PLEKHA1: variants seen among roughly 807,000 people sequenced by gnomAD.
PLEKHA1 encodes pleckstrin homology domain-containing family A member 1.
PLEKHA1 carries 34 observed loss-of-function variants against 52.0 expected under a neutral mutation model. The observed-to-expected ratio is 0.65, with a 90% CI of 0.50 to 0.87. The LOEUF is 0.87. Among genes scored for constraint, PLEKHA1 ranks in the 40% least tolerant of loss-of-function variants. The pLI is 0.00. For synonymous variants in PLEKHA1, 163 were observed against 170.7 expected (o/e 0.95, Z 0.35); for missense variants, 497 against 504.2 (o/e 0.99, Z 0.14).
At chr10:122,426,710 GC>G (rs1590946443) in intron 10 of PLEKHA1, among the ~76,000 whole-genome samples, 1 of 152,148 alleles carries the variant, frequency 6.6e-6, no homozygotes, top group East Asian at 1.9e-4. Flanking sequence ...CATTATTGAC[GC>G]CTGTTGATGG....
intron 9 of PLEKHA1, 106 bp downstream of exon 9, chr10:122,424,369 G>C: frequency 7.8e-7 from 1 of 1,284,496 alleles, no homozygotes; most frequent in Non-Finnish European, 1.0e-6. Context: ...ATTAATTGTA[G>C]TTATTTTTAA....
chr10:122,380,331 T>G (rs1051205527), intron 1 of PLEKHA1, among the ~76,000 whole-genome samples: 1 of 152,170 alleles, frequency 6.6e-6, no homozygotes, highest in African/African-American at 2.4e-5. Context: ...GGAGCCTACA[T>G]TACAGTGTGG....
intron 2 of PLEKHA1, among the ~76,000 whole-genome samples, chr10:122,394,307 G>A (rs1189349908): frequency 6.6e-6 from 1 of 151,818 alleles, no homozygotes; most frequent in East Asian, 1.9e-4. Flanking sequence ...AACTCCTGAT[G>A]TCAGGTGATC....
rs1006855920 is a variant in PLEKHA1 at position 122,415,508 on chromosome 10, T to TA, written c.469-350dup. On this transcript the variant is annotated intron_variant, in intron 6 of 11. Coordinates refer to ENST00000368990, the MANE Select transcript of PLEKHA1 (RefSeq NM_001001974.4). Reference sequence around the variant, plus strand: ...TCCATTTCTTGTTTTTTGATAATGTTACGCCGTTTCCCTTTGAGGGGAAAC... The same window carrying TA: ...TCCATTTCTTGTTTTTTGATAATGTTAACGCCGTTTCCCTTTGAGGGGAAAC... Among the ~76,000 whole-genome samples the TA allele has an allele frequency of 2.0e-5, 3 of 152,250 alleles. 1 individual carries two copies. The highest frequency in any genetic ancestry group is 4.8e-5 in the African/African-American group (2 of 41,468).
intron 1 of PLEKHA1, among the ~76,000 whole-genome samples, chr10:122,383,734 T>C (rs1398991669): frequency 6.6e-6 from 1 of 152,218 alleles, no homozygotes; most frequent in Non-Finnish European, 1.5e-5. Flanking sequence ...TCTGTTTTCT[T>C]AATATCATCA....
intron 4 of PLEKHA1, among the ~76,000 whole-genome samples, chr10:122,403,570 A>G (rs2096961027): frequency 6.6e-6 from 1 of 151,114 alleles, no homozygotes; most frequent in African/African-American, 2.4e-5. Flanking sequence ...CCCTTGCTTT[A>G]GGGTTTTTAT....
chr10:122,393,211 T>C lies in PLEKHA1; in HGVS notation c.11T>C (p.Val4Ala). ...TGTTCAAGCTCAGAAATGCCTTATG[T>C]GGATCGTCAGAATCGCATTTGTGGT... MPY[V>A]DRQNRICGFL... is the part of the protein sequence containing the mutation. The change falls in exon 2 of 12, where the codon GTG becomes GCG. Residue 4 changes from valine (V) to alanine (A), a missense_variant. Transcript: ENST00000368990. The surrounding 1 kb of genome is among the most constrained non-coding windows in gnomAD (Gnocchi z 4.5). 1.9e-6 allele frequency: 3 copies of C among 1,611,500 alleles called. No individual in the cohort carries two copies. In the Middle Eastern group the frequency reaches 5.0e-4, roughly 266 times the overall value.
chr10:122,402,499 A>G (rs1330520325), intron 4 of PLEKHA1, among the ~76,000 whole-genome samples: 1 of 152,230 alleles, frequency 6.6e-6, no homozygotes, highest in Non-Finnish European at 1.5e-5. Flanking sequence ...TGGAAAGTAG[A>G]TAGAGGAATG....
intron 2 of PLEKHA1, among the ~76,000 whole-genome samples, chr10:122,394,505 G>A (rs184934784): frequency 6.6e-6 from 1 of 152,210 alleles, no homozygotes; most frequent in Non-Finnish European, 1.5e-5. Context: ...TTGTCCAGTA[G>A]GCTTCTCGTG....
chr10:122,414,873 AGTTTAGT>A (rs952231915), intron 6 of PLEKHA1, among the ~76,000 whole-genome samples: 1 of 150,054 alleles, frequency 6.7e-6, no homozygotes, highest in African/African-American at 2.4e-5. Context: ...TCTGAAAAAC[AGTTTAGT>A]GTTTATGTTT....
intron 1 of PLEKHA1, chr10:122,392,972 A>C: frequency 2.6e-6 from 1 of 389,744 alleles, no homozygotes; most frequent in East Asian, 4.0e-5. Flanking sequence ...TCCCCATCAC[A>C]GTGAATAAAT....
intron 5 of PLEKHA1, among the ~76,000 whole-genome samples, chr10:122,410,209 C>G (rs1010897937): frequency 6.6e-6 from 1 of 152,272 alleles, no homozygotes; most frequent in East Asian, 1.9e-4. Flanking sequence ...TTTTTATTCT[C>G]TAGTTATTTT....
intron 1 of PLEKHA1, among the ~76,000 whole-genome samples, chr10:122,383,970 A>G (rs936368270): frequency 1.3e-5 from 2 of 152,136 alleles, no homozygotes; most frequent in South Asian, 2.1e-4. Flanking sequence ...TTCTTACTGT[A>G]TAGATTTTGA....
chr10:122,399,184 T>C (rs1387584882), intron 3 of PLEKHA1, among the ~76,000 whole-genome samples: 2 of 152,162 alleles, frequency 1.3e-5, no homozygotes, highest in African/African-American at 4.8e-5. Context: ...GTTCCAAAAA[T>C]TTATTTCTGG....
chr10:122,416,062 A>C, intron 7 of PLEKHA1, 60 bp downstream of exon 7: 1 of 1,493,502 alleles, frequency 6.7e-7, no homozygotes, highest in African/African-American at 1.4e-5. Flanking sequence ...AGCAAACTCA[A>C]ATTAACATGG....
At chr10:122,406,739 C>T (rs1448266728) in intron 5 of PLEKHA1, 66 bp downstream of exon 5, 7 of 1,198,000 alleles carry the variant, frequency 5.8e-6, no homozygotes, top group Non-Finnish European at 8.6e-6. Flanking sequence ...TTTGAAAATA[C>T]ACCTACCAAA....
intron 2 of PLEKHA1, among the ~76,000 whole-genome samples, chr10:122,397,382 A>G (rs190158465): frequency 9.1e-4 from 138 of 152,210 alleles, no homozygotes; most frequent in Non-Finnish European, 2.6e-4. Context: ...CATTCCCTGC[A>G]TATGATAAAG....
chr10:122,427,029 T>C lies in PLEKHA1; in HGVS notation c.898T>C (p.Ser300Pro). 6.2e-7 allele frequency: 1 copy of C among 1,612,756 alleles called. No individual in the cohort carries two copies. Among genetic ancestry groups the C allele is most frequent in the Non-Finnish European group, 8.5e-7 (1 of 1,178,784 alleles). The change falls in exon 11 of 12, where the codon TCT (serine) becomes CCT (proline). Residue 300 changes from serine (S) to proline (P), a missense_variant and splice_region_variant. Coordinates refer to ENST00000368990, the MANE Select transcript of PLEKHA1 (RefSeq NM_001001974.4). ...GCGGGGTCCCGGCAGATCTGCGTCT[T>C]CTGTAGGTTTCCTGCTCTCTGGGGT... The part of the protein sequence containing the change: ...AQRGPGRSAS[S>P]EHPPGPSESK...
chr10:122,428,400 A>G (rs2097371090), intron 11 of PLEKHA1: 1 of 1,500,478 alleles, frequency 6.7e-7, no homozygotes, highest in East Asian at 2.5e-5. Flanking sequence ...CAGACTTACT[A>G]CTTACAACTG....
Sources: allele counts gnomAD v4.1 joint callset (sites outside exome capture counted in the v4.1 genomes callset), GRCh38; gene constraint gnomAD v4.1.1; non-coding constraint Gnocchi (gnomAD v3.1); transcripts MANE v1.5; gene names NCBI Gene and HGNC (gene_info 2026-07-23, HGNC 2026-07-21).